EYS: variants seen among roughly 807,000 people sequenced by gnomAD.
EYS encodes EGF-like photoreceptor maintenance factor, also known as protein eyes shut homolog.
A neutral mutation model predicts 282.1 loss-of-function variants in EYS; 250 were observed. The observed-to-expected ratio is 0.89, with a 90% confidence interval of 0.80 to 0.98. EYS has a LOEUF of 0.98. EYS is among the 50% of genes least tolerant of loss of function. The pLI, the probability that EYS is intolerant of heterozygous loss-of-function variation, is 0.00. For missense variants in EYS, 4,016 were observed against 3,709.0 expected (o/e 1.08, Z -2.15); for synonymous variants, 1,355 against 1,282.9 (o/e 1.06, Z -1.20).
intron 26 of EYS, among the ~76,000 whole-genome samples, chr6:64,563,805 G>A (rs1472211013): frequency 6.6e-6 from 1 of 151,904 alleles, no homozygotes; most frequent in Non-Finnish European, 1.5e-5. Flanking sequence ...TAAAATGAAT[G>A]TACAAGGTAT....
At chr6:64,287,654 TAATTCTTC>T (rs71551577) in intron 30 of EYS, among the ~76,000 whole-genome samples, 103,494 of 151,202 alleles carry the variant, frequency 0.68, 35,417 homozygotes, top group South Asian at 0.71. Flanking sequence ...GCAGTGAGTA[TAATTCTTC>T]AAAATCCCAC....
At chr6:64,855,548 C>T (rs1766031599) in intron 19 of EYS, among the ~76,000 whole-genome samples, 1 of 151,964 alleles carries the variant, frequency 6.6e-6, no homozygotes, top group African/African-American at 2.4e-5. Context: ...ACCTTATTTC[C>T]CCTATACATA....
intron 33 of EYS, among the ~76,000 whole-genome samples, chr6:64,002,041 A>G (rs1582111265): frequency 6.6e-6 from 1 of 152,234 alleles, no homozygotes; most frequent in Non-Finnish European, 1.5e-5. Context: ...GCCCATATAA[A>G]CCTGAGACAT....
chr6:64,901,025 AT>A (rs1374735752), intron 18 of EYS, among the ~76,000 whole-genome samples: 1 of 148,898 alleles, frequency 6.7e-6, no homozygotes, highest in African/African-American at 2.5e-5. Context: ...GAAAAAAAAA[AT>A]GTGACACATA....
At chr6:64,084,855 GC>G (rs1772091035) in intron 31 of EYS, among the ~76,000 whole-genome samples, 1 of 152,178 alleles carries the variant, frequency 6.6e-6, no homozygotes, top group South Asian at 2.1e-4. Context: ...CACTTAACAA[GC>G]AGCATTTGGG....
At chr6:63,837,612 A>C (rs1346633022) in intron 36 of EYS, among the ~76,000 whole-genome samples, 1 of 152,174 alleles carries the variant, frequency 6.6e-6, no homozygotes. Context: ...GAAGTATAAC[A>C]CATATCCAGA....
chr6:64,972,138 C>A (rs1448260038), intron 14 of EYS, among the ~76,000 whole-genome samples: 1 of 152,052 alleles, frequency 6.6e-6, no homozygotes, highest in African/African-American at 2.4e-5. Flanking sequence ...TCTTATGAAC[C>A]AGTGCCAGAA....
chr6:63,824,556 C>A lies in EYS; in HGVS notation c.7229-18184G>T, dbSNP rs556582205. Among the ~76,000 whole-genome samples the A allele has an allele frequency of 2.0e-4, 31 of 152,290 alleles. 1 individual carries two copies. The highest frequency in any genetic ancestry group is 6.7e-4 in the African/African-American group (28 of 41,554). On this transcript the variant is annotated intron_variant, in intron 36 of 42. Coordinates refer to ENST00000503581, the MANE Select transcript of EYS (RefSeq NM_001142800.2). ...ACTGCTGCTGCAGGACGCGGAGACA[C>A]CCCAAATTCTGTGAGCACCCCAGCT...
At chr6:64,589,415 T>C (rs990366245) in intron 26 of EYS, among the ~76,000 whole-genome samples, 2 of 152,226 alleles carry the variant, frequency 1.3e-5, no homozygotes, top group Admixed American at 6.6e-5. Flanking sequence ...TTAATTTCAC[T>C]GCCACAAAGT....
intron 8 of EYS, among the ~76,000 whole-genome samples, chr6:65,375,913 T>C (rs1765346193): frequency 6.6e-6 from 1 of 152,064 alleles, no homozygotes; most frequent in South Asian, 2.1e-4. Flanking sequence ...CTGGGGTCCC[T>C]TAAAGTCATG....
chr6:64,440,373 A>C (rs1310905807), intron 26 of EYS, among the ~76,000 whole-genome samples: 1 of 151,944 alleles, frequency 6.6e-6, no homozygotes, highest in Non-Finnish European at 1.5e-5. Flanking sequence ...ATAAATAACC[A>C]GCAAGCCTCA....
At chr6:64,736,316 A>C (rs1226471478) in intron 22 of EYS, among the ~76,000 whole-genome samples, 5 of 152,160 alleles carry the variant, frequency 3.3e-5, no homozygotes, top group Non-Finnish European at 7.4e-5. Flanking sequence ...GTTAAAAATA[A>C]AATTCTATTT....
Position 64,975,038 on chromosome 6 carries a change from T to A in EYS, c.2259+22544A>T, listed in dbSNP as rs548375800. On this transcript the variant is annotated intron_variant, in intron 14 of 42. Transcript: ENST00000503581. Reference sequence around the variant, plus strand: ...GAGAATCAAAGTCATAATCAATCATTTCTTTTCTCATATATTTAGTAAAAT... The same window carrying A: ...GAGAATCAAAGTCATAATCAATCATATCTTTTCTCATATATTTAGTAAAAT... 2.2e-4 allele frequency among the ~76,000 whole-genome samples: 34 copies of A among 151,946 alleles called. No homozygotes were observed. The South Asian group carries it at 6.8e-3, about 31-fold the overall frequency.
rs1774008559 is a variant in EYS, at chr6:64,414,663, T to C, written c.5927+21511A>G. Among the ~76,000 whole-genome samples the C allele has an allele frequency of 2.0e-5, 3 of 152,150 alleles. No homozygotes were observed. The South Asian group carries it at 6.2e-4, about 32-fold the overall frequency. Reference sequence around the variant, plus strand: ...TTTACTGGGCAGAGGGTGGTGAGGTTATAAGAAAAGGAAAGCTCACTGTAG... The same window carrying C: ...TTTACTGGGCAGAGGGTGGTGAGGTCATAAGAAAAGGAAAGCTCACTGTAG... On this transcript the variant is annotated intron_variant, in intron 28 of 42. Coordinates refer to ENST00000503581, the MANE Select transcript of EYS (RefSeq NM_001142800.2).
intron 11 of EYS, among the ~76,000 whole-genome samples, chr6:65,333,914 A>AT (rs60971248): frequency 0.094 from 14,203 of 151,004 alleles, 938 homozygotes; most frequent in African/African-American, 0.18. Context: ...TTTGAATGAT[A>AT]TTTTTTTATT....
chr6:64,780,744 G>A (rs761821573), intron 22 of EYS, among the ~76,000 whole-genome samples: 1 of 152,124 alleles, frequency 6.6e-6, no homozygotes, highest in Non-Finnish European at 1.5e-5. Flanking sequence ...TGTGACCCAA[G>A]TGAAGACCAT....
At chr6:65,286,099 C>T (rs542957078) in intron 12 of EYS, among the ~76,000 whole-genome samples, 2 of 151,770 alleles carry the variant, frequency 1.3e-5, no homozygotes, top group South Asian at 4.1e-4. Context: ...AATTTGCAGC[C>T]AGAAAATTAA....
At chr6:64,772,686 T>C (rs1390101697) in intron 22 of EYS, among the ~76,000 whole-genome samples, 1 of 151,822 alleles carries the variant, frequency 6.6e-6, no homozygotes, top group East Asian at 1.9e-4. Context: ...TCTTTGGCAA[T>C]CATTGTTCTA....
intron 30 of EYS, among the ~76,000 whole-genome samples, chr6:64,243,004 A>C (rs1766885563): frequency 6.8e-6 from 1 of 146,920 alleles, no homozygotes; most frequent in African/African-American, 2.5e-5. Flanking sequence ...ACTAATTATA[A>C]TTTATATATA....
Sources: gnomAD v4.1 joint callset for allele counts (sites outside exome capture counted in the v4.1 genomes callset) on GRCh38, gnomAD v4.1.1 for gene constraint, MANE v1.5 for transcripts, NCBI Gene and HGNC (gene_info 2026-07-23, HGNC 2026-07-21) for gene names.